SORCS1: variants seen among roughly 807,000 people sequenced by gnomAD.
The protein encoded by SORCS1 is sortilin related VPS10 domain containing receptor 1.
Under a neutral mutation model 146.1 loss-of-function variants are expected in SORCS1, and 60 were observed. The ratio of observed to expected loss-of-function variants is 0.41; its 90% CI spans 0.33 to 0.51. The LOEUF is 0.51. Among genes scored for constraint, SORCS1 ranks in the 20% least tolerant of loss-of-function variants. SORCS1 has a pLI of 0.21. For synonymous variants in SORCS1, 637 were observed against 584.0 expected (o/e 1.09, Z -1.31); for missense variants, 1,352 against 1,487.6 (o/e 0.91, Z 1.50).
intron 24 of SORCS1, among the ~76,000 whole-genome samples, chr10:106,582,191 A>C (rs1358795412): frequency 1.3e-5 from 2 of 151,740 alleles, no homozygotes; most frequent in African/African-American, 4.8e-5. Flanking sequence ...CCTTCCTCCT[A>C]TCTCTCCCCA....
chr10:106,826,028 TG>T (rs1564703829), intron 3 of SORCS1, among the ~76,000 whole-genome samples: 10 of 152,340 alleles, frequency 6.6e-5, no homozygotes, highest in African/African-American at 2.4e-4. Context: ...AAACAGTCGA[TG>T]GATGATCATT....
intron 1 of SORCS1, among the ~76,000 whole-genome samples, chr10:107,032,804 C>A (rs1207147877): frequency 6.6e-6 from 1 of 151,872 alleles, no homozygotes; most frequent in Non-Finnish European, 1.5e-5. Flanking sequence ...CTCCTTCCCA[C>A]CCTCTCTTCA....
At chr10:106,873,870 A>T (rs1003612803) in intron 2 of SORCS1, among the ~76,000 whole-genome samples, 4 of 152,104 alleles carry the variant, frequency 2.6e-5, no homozygotes, top group Non-Finnish European at 5.9e-5. Flanking sequence ...CCCTTCCAAA[A>T]AGAGTCAGTG....
intron 5 of SORCS1, among the ~76,000 whole-genome samples, chr10:106,736,659 T>C (rs564787242): frequency 2.4e-4 from 30 of 127,568 alleles, no homozygotes; most frequent in African/African-American, 8.4e-4. Context: ...TGTTTTTGAA[T>C]AGATCATCTT....
rs1194776044 is a variant in SORCS1 at position 106,899,037 on chromosome 10, T to A, written c.626+57476A>T. 2.0e-5 allele frequency among the ~76,000 whole-genome samples: 3 copies of A among 152,364 alleles called. No homozygotes were observed. In the East Asian group the frequency reaches 5.8e-4, roughly 29 times the overall value. On this transcript the variant is annotated intron_variant, in intron 2 of 25. Transcript: ENST00000263054. The stretch of plus-strand genomic sequence containing the variant: ...GTTTACCAGGTGGATTCTTACTCCA[T>A]AAATCATTCATTTCTCAAAATAATC...
chr10:106,867,097 G>A (rs1038365689), intron 2 of SORCS1, among the ~76,000 whole-genome samples: 2 of 151,944 alleles, frequency 1.3e-5, no homozygotes, highest in African/African-American at 4.8e-5. Context: ...ATCTCTGCAA[G>A]ATTCTACACC....
At chr10:107,011,729 ATTT>A (rs1257299316) in intron 1 of SORCS1, among the ~76,000 whole-genome samples, 2 of 152,086 alleles carry the variant, frequency 1.3e-5, no homozygotes, top group Non-Finnish European at 2.9e-5. Context: ...TCTCCTACTT[ATTT>A]TTAACCTCCC....
chr10:107,044,054 G>A (rs1320620612), intron 1 of SORCS1, among the ~76,000 whole-genome samples: 1 of 152,070 alleles, frequency 6.6e-6, no homozygotes, highest in Non-Finnish European at 1.5e-5. Flanking sequence ...AACCATCAAT[G>A]TCAATTCTTT....
At chr10:107,132,644 G>A (rs1364959076) in intron 1 of SORCS1, among the ~76,000 whole-genome samples, 2 of 152,124 alleles carry the variant, frequency 1.3e-5, no homozygotes, top group African/African-American at 4.8e-5. Flanking sequence ...TAAACATAGA[G>A]AATTTGGCCT....
At chr10:107,165,081 A>G (rs1970006422), upstream of SORCS1, among the ~76,000 whole-genome samples, 2 of 151,892 alleles carry the variant, frequency 1.3e-5, no homozygotes, top group South Asian at 4.1e-4. This position sits in a 1 kb window ranked among gnomAD's most constrained non-coding sequence, Gnocchi z 4.0. Flanking sequence ...TGTTTCTATG[A>G]GTCTATGTTG....
Position 106,879,218 on chromosome 10 carries a change from C to G in SORCS1, c.627-49545G>C, listed in dbSNP as rs75483567. ...TGGTGAGCATGCCGTTTAAGAAAGT[C>G]ACATAACTGATGACCACACTGCTCA... On this transcript the variant is annotated intron_variant, in intron 2 of 25. Coordinates refer to ENST00000263054, the MANE Select transcript of SORCS1 (RefSeq NM_052918.5). Among the ~76,000 whole-genome samples, 471 of 151,698 alleles carry G rather than the reference C, an allele frequency of 3.1e-3. 4 individuals are homozygous for G. The highest frequency in any genetic ancestry group is 5.8e-3 in the Non-Finnish European group (393 of 67,926).
At chr10:106,927,255 C>A (rs1430611319) in intron 2 of SORCS1, among the ~76,000 whole-genome samples, 1 of 152,072 alleles carries the variant, frequency 6.6e-6, no homozygotes, top group Admixed American at 6.6e-5. Flanking sequence ...CGGATGTGTT[C>A]GGAGTTTCTT....
At chr10:106,682,879 T>A (rs1048677842) in intron 10 of SORCS1, among the ~76,000 whole-genome samples, 4 of 152,168 alleles carry the variant, frequency 2.6e-5, no homozygotes, top group Admixed American at 2.0e-4. Flanking sequence ...AAACCACCAA[T>A]GCCAGCAGCT....
At chr10:107,096,464 A>G (rs1456552873) in intron 1 of SORCS1, among the ~76,000 whole-genome samples, 3 of 152,162 alleles carry the variant, frequency 2.0e-5, no homozygotes, top group Non-Finnish European at 4.4e-5. Context: ...ACAACTTACT[A>G]TATCATATGC....
At chr10:106,922,610 C>T (rs1467223808) in intron 2 of SORCS1, among the ~76,000 whole-genome samples, 3 of 152,166 alleles carry the variant, frequency 2.0e-5, no homozygotes, top group Non-Finnish European at 4.4e-5. Flanking sequence ...GTCCCCCTCC[C>T]TTGTACACAC....
At chr10:106,967,401 T>C (rs542598772) in intron 1 of SORCS1, among the ~76,000 whole-genome samples, 16 of 152,104 alleles carry the variant, frequency 1.1e-4, no homozygotes, top group Non-Finnish European at 2.1e-4. Flanking sequence ...ATATTTTTTC[T>C]AGAAAAAAAC....
At chr10:107,036,722 T>C (rs1315747859) in intron 1 of SORCS1, among the ~76,000 whole-genome samples, 1 of 152,226 alleles carries the variant, frequency 6.6e-6, no homozygotes, top group Non-Finnish European at 1.5e-5. Context: ...GAGACCTTTT[T>C]AAGCAGCGCT....
chr10:107,139,228 T>C lies in SORCS1; in HGVS notation c.558+24741A>G, dbSNP rs79536286. On this transcript the variant is annotated intron_variant, in intron 1 of 25. Transcript: ENST00000263054. ...GGTAGAAAAGAGGATAAGTCACTAG[T>C]CTTGGAAAGCCAGAAACACACTTTT... 2.9e-3 allele frequency among the ~76,000 whole-genome samples: 442 copies of C among 152,320 alleles called. 3 individuals carry two copies. The highest frequency in any genetic ancestry group is 9.6e-3 in the African/African-American group (400 of 41,572).
intron 1 of SORCS1, among the ~76,000 whole-genome samples, chr10:107,096,575 A>G (rs1045008110): frequency 2.5e-4 from 38 of 152,186 alleles, no homozygotes; most frequent in African/African-American, 7.7e-4. Context: ...GCAGTGATGC[A>G]ATCTTGGCTC....
Sources: allele counts gnomAD v4.1 joint callset (sites outside exome capture counted in the v4.1 genomes callset), GRCh38; gene constraint gnomAD v4.1.1; non-coding constraint Gnocchi (gnomAD v3.1); transcripts MANE v1.5; gene names NCBI Gene and HGNC (gene_info 2026-07-23, HGNC 2026-07-21).